CPVL: variants seen among roughly 807,000 people sequenced by gnomAD.
The protein encoded by CPVL is probable serine carboxypeptidase CPVL.
In CPVL, 51 loss-of-function variants were observed where a neutral mutation model predicts 63.7. The ratio of observed to expected loss-of-function variants is 0.80; its 90% CI spans 0.64 to 1.01. The LOEUF (loss-of-function observed/expected upper bound fraction) is 1.01, where lower values mean the gene tolerates loss of function less well. CPVL is among the 50% of genes least tolerant of loss of function. The pLI, the probability that CPVL is intolerant of heterozygous loss-of-function variation, is 0.00. For missense variants in CPVL, 530 were observed against 573.1 expected (o/e 0.92, Z 0.77); for synonymous variants, 195 against 206.0 (o/e 0.95, Z 0.46).
chr7:29,119,485 CAAAAAAAAAAAAA>C (rs372819031), intron 2 of CPVL, among the ~76,000 whole-genome samples: 14,184 of 102,568 alleles, frequency 0.14, 918 homozygotes, highest in Middle Eastern at 0.21. Flanking sequence ...GATTCTGTCT[CAAAAAAAAAAAAA>C]AAAAAAAAAA....
chr7:29,005,997 T>C (rs758567316), intron 12 of CPVL, among the ~76,000 whole-genome samples: 60 of 152,218 alleles, frequency 3.9e-4, no homozygotes, highest in Non-Finnish European at 7.1e-4. Context: ...TGCAAGGACT[T>C]AGATCCTGAC....
chr7:29,069,440 CAAAAAAAAAAA>C (rs34421309), intron 9 of CPVL, among the ~76,000 whole-genome samples: 1 of 81,212 alleles, frequency 1.2e-5, no homozygotes, highest in African/African-American at 4.4e-5. Context: ...GACTCCGTCT[CAAAAAAAAAAA>C]AAAAAAAAAG....
At chr7:29,061,186 T>A (rs1791242384) in intron 11 of CPVL, among the ~76,000 whole-genome samples, 1 of 152,082 alleles carries the variant, frequency 6.6e-6, no homozygotes, top group African/African-American at 2.4e-5. Context: ...GGCGGGTGGA[T>A]CACCTGAGGT....
At chr7:29,152,471 C>T (rs1481484476) in intron 5 of CPVL, among the ~76,000 whole-genome samples, 2 of 152,110 alleles carry the variant, frequency 1.3e-5, no homozygotes, top group African/African-American at 2.4e-5. Context: ...GAAGTCATAA[C>T]AACTTACCCA....
intron 11 of CPVL, among the ~76,000 whole-genome samples, chr7:29,058,521 C>T (rs1790969870): frequency 1.3e-5 from 2 of 151,956 alleles, no homozygotes; most frequent in South Asian, 4.2e-4. Context: ...GAGTTTCTGA[C>T]CTATATCACT....
intron 12 of CPVL, among the ~76,000 whole-genome samples, chr7:29,018,163 C>A (rs772811231): frequency 6.6e-6 from 1 of 151,870 alleles, no homozygotes; most frequent in South Asian, 2.1e-4. Context: ...CAGTAAGATT[C>A]GGTAAAAATG....
chr7:29,159,403 A>G (rs1315145324), intron 5 of CPVL, among the ~76,000 whole-genome samples: 2 of 152,200 alleles, frequency 1.3e-5, no homozygotes, highest in African/African-American at 2.4e-5. Flanking sequence ...CTATACCAGA[A>G]TAATGTTTTG....
At chr7:29,071,710 C>T in intron 9 of CPVL, 63 bp downstream of exon 9, 3 of 422,976 alleles carry the variant, frequency 7.1e-6, no homozygotes, top group African/African-American at 2.1e-5. Context: ...TTCCTGCTCA[C>T]CCGCCCTCCC....
At chr7:29,150,949 TA>T (rs1412794634), upstream of CPVL, among the ~76,000 whole-genome samples, 4 of 152,058 alleles carry the variant, frequency 2.6e-5, no homozygotes, top group Non-Finnish European at 5.9e-5. Context: ...ACTGTGCTAT[TA>T]AAAAAGGGAG....
intron 3 of CPVL, among the ~76,000 whole-genome samples, chr7:29,109,812 A>G (rs1245227138): frequency 6.6e-6 from 1 of 152,102 alleles, no homozygotes; most frequent in East Asian, 1.9e-4. Context: ...AAAGAACATA[A>G]CCTGGTCAGG....
At chr7:29,142,292 C>T (rs1394782404) in intron 1 of CPVL, among the ~76,000 whole-genome samples, 1 of 152,166 alleles carries the variant, frequency 6.6e-6, no homozygotes, top group East Asian at 1.9e-4. Context: ...AGATTTTCTT[C>T]AAGATCTTAT....
rs555199411 is a variant in CPVL at position 29,103,043 on chromosome 7, C to T, written c.289-6826G>A. 2.6e-5 allele frequency among the ~76,000 whole-genome samples: 4 copies of T among 152,098 alleles called. No homozygotes were observed. In the East Asian group the frequency reaches 5.8e-4, roughly 22 times the overall value. ...CTCCCTGGACAGCATCACCTTTGCCCTGAGTCTTCCTTTCCACCCTCATCT... is the reference window on the plus strand; with the variant it reads ...CTCCCTGGACAGCATCACCTTTGCCTTGAGTCTTCCTTTCCACCCTCATCT... On this transcript the variant is annotated intron_variant, in intron 3 of 12. Transcript: ENST00000265394.
chr7:29,044,067 C>T (rs1789386323), intron 11 of CPVL, among the ~76,000 whole-genome samples: 2 of 152,144 alleles, frequency 1.3e-5, no homozygotes, highest in African/African-American at 2.4e-5. Flanking sequence ...TCTAGACCAT[C>T]TGATGTGTGA....
chr7:29,122,361 T>G (rs1396533066), intron 1 of CPVL: 1 of 152,244 alleles, frequency 6.6e-6, no homozygotes, highest in Non-Finnish European at 1.5e-5. Context: ...AAGGTGGATC[T>G]GGCTAAACCT....
chr7:29,141,273 C>T (rs142213628), intron 1 of CPVL, among the ~76,000 whole-genome samples: 7 of 152,196 alleles, frequency 4.6e-5, no homozygotes, highest in South Asian at 2.1e-4. Context: ...GCCCTCAGAC[C>T]GGGCACGGTG....
intron 2 of CPVL, among the ~76,000 whole-genome samples, chr7:29,115,830 GGA>G (rs1258436608): frequency 6.6e-6 from 1 of 152,096 alleles, no homozygotes; most frequent in African/African-American, 2.4e-5. Flanking sequence ...ACAGAGGAAA[GGA>G]TGATTCAATC....
Position 29,144,673 on chromosome 7 carries a change from T to A in CPVL, c.-11+1756A>T, listed in dbSNP as rs183766673. On this transcript the variant is annotated intron_variant, in intron 1 of 12. Transcript: ENST00000265394. ...TCCTCCCCTCTCATTGCCTTAGTTC[T>A]GTGCATCCCAGGGTAGTATTCAACA... Among the ~76,000 whole-genome samples, 462 of 152,346 alleles carry A rather than the reference T, an allele frequency of 3.0e-3. 1 individual carries two copies. Among genetic ancestry groups the A allele is most frequent in the African/African-American group, 0.011 (441 of 41,574 alleles).
Position 29,146,535 on chromosome 7 carries a change from C to T in CPVL, c.-117G>A. On this transcript the variant is annotated 5_prime_UTR_variant, in exon 1 of 13. Coordinates refer to ENST00000265394, the MANE Select transcript of CPVL (RefSeq NM_031311.5). ...CAGAAGTGAGGCAGCCCCACCCAGT[C>T]ACGAGGACCCTGCAGAACTCGAGCC... 6.6e-7 allele frequency: 1 copy of T among 1,507,782 alleles called. No homozygotes were observed. The allele number at this position is 1,507,782 out of a possible 1,614,324, so 93.4% of individuals were successfully genotyped here. A position where few individuals can be genotyped will look rare whatever the true frequency, so the allele number is the denominator to read the frequency against.
At chr7:29,170,777 G>C (rs560665041) in intron 5 of CPVL, among the ~76,000 whole-genome samples, 1 of 152,300 alleles carries the variant, frequency 6.6e-6, no homozygotes, top group African/African-American at 2.4e-5. Context: ...GTTCCATATG[G>C]CTGGTGGGGG....
Sources: allele counts gnomAD v4.1 joint callset (sites outside exome capture counted in the v4.1 genomes callset), GRCh38; gene constraint gnomAD v4.1.1; transcripts MANE v1.5; gene names NCBI Gene and HGNC (gene_info 2026-07-23, HGNC 2026-07-21).